Variants in NSRP1 observed in about 807,000 individuals in gnomAD.
NSRP1 encodes the protein nuclear speckle splicing regulatory protein 1.
In NSRP1, 24 loss-of-function variants were observed where a neutral mutation model predicts 54.7. The observed-to-expected ratio is 0.44, with a 90% CI of 0.32 to 0.62. NSRP1 has a LOEUF of 0.62. NSRP1 is among the 20% of genes least tolerant of loss of function. The pLI is 0.06. For synonymous variants in NSRP1, 210 were observed against 213.8 expected (o/e 0.98, Z 0.15); for missense variants, 596 against 651.2 (o/e 0.92, Z 0.92).
Position 30,184,805 on chromosome 17 carries a change from G to A in NSRP1, c.808G>A (p.Glu270Lys), listed in dbSNP as rs1905453148. ...AGAAACTAGAGTGAACTGCAGAAGG[G>A]AAAAGGTCATAGAGACCCCTGAGAA... ...IEETRVNCRR[E>K]KVIETPENDF... is the part of the protein sequence containing the mutation. The change falls in exon 7 of 7, where the codon GAA (glutamate) becomes AAA (lysine). Residue 270 changes from glutamate (E) to lysine (K), a missense_variant. By Grantham distance (56) the Glu-to-Lys change is moderately conservative. Transcript: ENST00000247026. 1 of 1,613,844 alleles carries A rather than the reference G, an allele frequency of 6.2e-7. No individual in the cohort carries two copies. Among genetic ancestry groups the A allele is most frequent in the Non-Finnish European group, 8.5e-7 (1 of 1,179,932 alleles).
intron 1 of NSRP1, chr17:30,117,416 A>G (rs1189322439): frequency 8.9e-6 from 4 of 447,650 alleles, no homozygotes; most frequent in East Asian, 6.8e-5. Flanking sequence ...TTTGATGTGT[A>G]ATCCTTACTT....
At chr17:30,164,236 A>G (rs1316353253) in intron 2 of NSRP1, among the ~76,000 whole-genome samples, 2 of 152,164 alleles carry the variant, frequency 1.3e-5, no homozygotes, top group East Asian at 3.8e-4. Flanking sequence ...TAAGTGCTGT[A>G]CACATATTAG....
chr17:30,175,496 C>CG (rs1567805651), intron 3 of NSRP1, among the ~76,000 whole-genome samples: 1 of 151,864 alleles, frequency 6.6e-6, no homozygotes, highest in East Asian at 1.9e-4. Context: ...TGCAGCGGCA[C>CG]GATCTCAGCT....
chr17:30,145,516 G>A (rs1201966279), intron 2 of NSRP1, among the ~76,000 whole-genome samples: 2 of 152,120 alleles, frequency 1.3e-5, no homozygotes, highest in East Asian at 1.9e-4. Flanking sequence ...CCGGGAGGTG[G>A]AGGTTGCAGC....
At chr17:30,182,467 C>A (rs543732041) in intron 6 of NSRP1, among the ~76,000 whole-genome samples, 1 of 148,414 alleles carries the variant, frequency 6.7e-6, no homozygotes, top group Non-Finnish European at 1.5e-5. Flanking sequence ...CATGGTGAAA[C>A]CCTGTCTCTA....
intron 3 of NSRP1, among the ~76,000 whole-genome samples, chr17:30,176,604 C>A (rs1312566562): frequency 8.2e-6 from 1 of 121,456 alleles, no homozygotes; most frequent in African/African-American, 2.9e-5. Context: ...TGCAAGACTT[C>A]GTCCCCCCCC....
intron 2 of NSRP1, among the ~76,000 whole-genome samples, chr17:30,118,601 A>G (rs1304632537): frequency 6.6e-6 from 1 of 152,210 alleles, no homozygotes. Flanking sequence ...GTAATTGCTC[A>G]GTTATAATCG....
At chr17:30,122,044 A>G (rs975505592) in intron 2 of NSRP1, among the ~76,000 whole-genome samples, 5 of 152,114 alleles carry the variant, frequency 3.3e-5, no homozygotes, top group African/African-American at 1.2e-4. Flanking sequence ...CATTTCATAT[A>G]AATAGAATCA....
chr17:30,171,992 T>A (rs1209533086), intron 2 of NSRP1, among the ~76,000 whole-genome samples: 3 of 117,440 alleles, frequency 2.6e-5, no homozygotes, highest in African/African-American at 7.7e-5. Flanking sequence ...TCTCTCTCTC[T>A]CTCTCTCTCT....
chr17:30,163,679 CT>C (rs370423700), intron 2 of NSRP1, among the ~76,000 whole-genome samples: 4,707 of 90,728 alleles, frequency 0.052, 58 homozygotes, highest in African/African-American at 0.14. Flanking sequence ...ACTTTGACCA[CT>C]TTTTTTTTTT....
At chr17:30,120,142 T>C (rs375506158) in intron 2 of NSRP1, among the ~76,000 whole-genome samples, 3 of 152,224 alleles carry the variant, frequency 2.0e-5, no homozygotes, top group Admixed American at 1.3e-4. Context: ...AAAAAAATCA[T>C]ACAGTATGTA....
intron 3 of NSRP1, chr17:30,177,823 C>G (rs1905177153): frequency 1.9e-6 from 1 of 518,802 alleles, no homozygotes; most frequent in East Asian, 3.8e-5. Flanking sequence ...TATTCTTTCT[C>G]TTCTAGATGA....
At chr17:30,157,539 T>C (rs190185864) in intron 2 of NSRP1, among the ~76,000 whole-genome samples, 79 of 152,306 alleles carry the variant, frequency 5.2e-4, no homozygotes, top group African/African-American at 1.9e-3. Context: ...CTATCAAACA[T>C]TGGAACTTAT....
intron 3 of NSRP1, among the ~76,000 whole-genome samples, chr17:30,175,265 CA>C (rs1905088526): frequency 6.6e-6 from 1 of 152,108 alleles, no homozygotes; most frequent in Non-Finnish European, 1.5e-5. Flanking sequence ...TTGTTTCATG[CA>C]AAACATTTTC....
intron 2 of NSRP1, among the ~76,000 whole-genome samples, chr17:30,161,016 A>G (rs1014696873): frequency 2.6e-5 from 4 of 152,174 alleles, no homozygotes; most frequent in African/African-American, 7.2e-5. Context: ...GTGAATGGAT[A>G]AACAATTTGT....
At chr17:30,174,249 T>C (rs1002834719) in intron 3 of NSRP1, among the ~76,000 whole-genome samples, 1 of 152,172 alleles carries the variant, frequency 6.6e-6, no homozygotes, top group Non-Finnish European at 1.5e-5. Flanking sequence ...AGTGGGACTT[T>C]TTGTAGTTTG....
chr17:30,164,028 T>C (rs1370234649), intron 2 of NSRP1, among the ~76,000 whole-genome samples: 1 of 145,722 alleles, frequency 6.9e-6, no homozygotes, highest in East Asian at 1.9e-4. Flanking sequence ...TGTGTGTGTG[T>C]GCGTGTGTGC....
intron 2 of NSRP1, among the ~76,000 whole-genome samples, chr17:30,120,702 C>T (rs187862573): frequency 6.6e-6 from 1 of 152,332 alleles, no homozygotes; most frequent in African/African-American, 2.4e-5. Context: ...CAGGATCACT[C>T]TGATGTATTA....
chr17:30,178,613 G>C (rs543990697), intron 4 of NSRP1, among the ~76,000 whole-genome samples: 13 of 152,080 alleles, frequency 8.5e-5, no homozygotes, highest in African/African-American at 3.1e-4. Context: ...AATTTGGGAG[G>C]GGTAAAAACT....
Sources: gnomAD v4.1 joint callset for allele counts (sites outside exome capture counted in the v4.1 genomes callset) on GRCh38, gnomAD v4.1.1 for gene constraint, MANE v1.5 for transcripts, NCBI Gene and HGNC (gene_info 2026-07-23, HGNC 2026-07-21) for gene names.